The following ZNF831 variants were observed in gnomAD, a reference collection of about 807,000 sequenced individuals.
The protein encoded by ZNF831 is chromosome 20 open reading frame 174.
ZNF831 carries 59 observed loss-of-function variants against 95.8 expected under a neutral mutation model. The ratio of observed to expected loss-of-function variants is 0.62; its 90% confidence interval spans 0.50 to 0.77. The LOEUF is 0.77. Among genes scored for constraint, ZNF831 ranks in the 30% least tolerant of loss-of-function variants. ZNF831 has a pLI of 0.00. For synonymous variants in ZNF831, 961 were observed against 925.5 expected (o/e 1.04, Z -0.70); for missense variants, 2,205 against 2,164.0 (o/e 1.02, Z -0.38).
At chr20:59,188,375 T>G (rs993863190) in intron 1 of ZNF831, among the ~76,000 whole-genome samples, 2 of 152,242 alleles carry the variant, frequency 1.3e-5, no homozygotes, top group Non-Finnish European at 2.9e-5. Flanking sequence ...AAGTCCTATC[T>G]CATTGTGGTT....
At chr20:59,250,649 C>G (rs1347041986) in intron 4 of ZNF831, among the ~76,000 whole-genome samples, 1 of 152,068 alleles carries the variant, frequency 6.6e-6, no homozygotes, top group African/African-American at 2.4e-5. Flanking sequence ...ACAACGACAA[C>G]AACAACAACC....
intron 3 of ZNF831, among the ~76,000 whole-genome samples, chr20:59,199,382 A>C (rs959770757): frequency 1.3e-5 from 2 of 152,176 alleles, no homozygotes; most frequent in Admixed American, 6.5e-5. Context: ...ATTTGGCACA[A>C]ATCATATCAA....
intron 2 of ZNF831, among the ~76,000 whole-genome samples, chr20:59,195,515 C>T (rs1984025279): frequency 6.6e-6 from 1 of 152,154 alleles, no homozygotes; most frequent in South Asian, 2.1e-4. Context: ...CTGTTTTCAT[C>T]TTGAGAGTAG....
At chr20:59,206,799 A>G (rs1858632502) in intron 3 of ZNF831, 106 bp from the exon 4 acceptor site, 1 of 1,254,942 alleles carries the variant, frequency 8.0e-7, no homozygotes, top group Non-Finnish European at 1.1e-6. Flanking sequence ...AGCTAGTTAG[A>G]GGTTGAGCCC....
rs746279070 is a variant in ZNF831, at chr20:59,254,018, C to G, written c.4309C>G (p.Pro1437Ala). 8.7e-6 allele frequency: 14 copies of G among 1,614,104 alleles called. No individual in the cohort carries two copies. Among genetic ancestry groups the G allele is most frequent in the Middle Eastern group, 1.7e-4 (1 of 6,060 alleles). ...AGTGGTTAATGACGTGCCTCTACCC[C>G]CTGGCAAAGGTCTTGACCTTGGGTT... Reference protein sequence around the residue: ...LAVVNDVPLPPGKGLDLGLLE... With the variant: ...LAVVNDVPLPAGKGLDLGLLE... The change falls in exon 6 of 6, where the codon CCT (proline) becomes GCT (alanine). Residue 1437 changes from proline to alanine, a missense_variant. Transcript: ENST00000371030. The surrounding 1 kb of genome is among the most constrained non-coding windows in gnomAD (Gnocchi z 4.5).
rs113736971 is a variant in ZNF831, at chr20:59,221,227, C to G, written c.4027+14171C>G. ...GAGGGAGGCAGTGAATGGTGCAGGT[C>G]CATACTTTCCCCAGCAGGGAGCTCG... On this transcript the variant is annotated intron_variant, in intron 4 of 5. Coordinates refer to ENST00000371030, the MANE Select transcript of ZNF831 (RefSeq NM_178457.3). Among the ~76,000 whole-genome samples, 241 of 152,274 alleles carry G rather than the reference C, an allele frequency of 1.6e-3. 2 individuals carry two copies. Among genetic ancestry groups the G allele is most frequent in the African/African-American group, 5.5e-3 (229 of 41,538 alleles).
chr20:59,193,226 G>T lies in ZNF831; in HGVS notation c.2207G>T (p.Gly736Val), dbSNP rs918919056. The T allele has an allele frequency of 6.3e-7, 1 of 1,595,092 alleles. No homozygotes were observed. Among genetic ancestry groups the T allele is most frequent in the East Asian group, 2.3e-5 (1 of 43,630 alleles). Residue 736 changes from glycine (G) to valine (V), a missense_variant, in exon 2 of 6, where the codon GGC (glycine) becomes GTC (valine). Physicochemically the swap from Gly to Val is moderately radical, Grantham distance 109 (BLOSUM62 -3). Transcript: ENST00000371030. ...GCTGTGTCATCCCCTGCACTGGGTG[G>T]CAGAGACAGTCCCTGTTCAGGCAGT... ...EEAVSSPALG[G>V]RDSPCSGSRS...
At chr20:59,125,313 T>C (rs1979137915) in intron 1 of ZNF831, among the ~76,000 whole-genome samples, 1 of 152,202 alleles carries the variant, frequency 6.6e-6, no homozygotes, top group Admixed American at 6.5e-5. Flanking sequence ...AAAGTCCTTA[T>C]TGTTTCAACA....
intron 1 of ZNF831, among the ~76,000 whole-genome samples, chr20:59,179,786 G>A (rs1309451965): frequency 6.6e-6 from 1 of 152,114 alleles, no homozygotes; most frequent in Non-Finnish European, 1.5e-5. Flanking sequence ...TTAACTTAAT[G>A]ATATCTGCAA....
chr20:59,241,323 A>C (rs937864202), intron 4 of ZNF831, among the ~76,000 whole-genome samples: 1 of 151,494 alleles, frequency 6.6e-6, no homozygotes, highest in African/African-American at 2.4e-5. Context: ...TTTTTTTTTA[A>C]TCAGAACCCA....
At chr20:59,167,886 A>T (rs1254905025) in intron 1 of ZNF831, among the ~76,000 whole-genome samples, 2 of 152,102 alleles carry the variant, frequency 1.3e-5, no homozygotes, top group African/African-American at 2.4e-5. Flanking sequence ...AAGAAAAAAA[A>T]ATCAGTTGGG....
rs754958305 is a variant in ZNF831, at chr20:59,192,810, C to G, written c.1791C>G (p.Ala597=). 14 of 1,611,236 alleles carry G rather than the reference C, an allele frequency of 8.7e-6. No individual in the cohort carries two copies. The Admixed American group carries it at 2.3e-4, about 27-fold the overall frequency. Residue 597 remains alanine (A), a synonymous_variant, in exon 2 of 6, where the codon GCC becomes GCG. Transcript: ENST00000371030. The surrounding 1 kb of genome is among the most constrained non-coding windows in gnomAD (Gnocchi z 5.2). Reference sequence around the variant, plus strand: ...GAACTGCTGCGCGGGAGGCCATGGCCGGCAAGGGCAGAGCGGGCGGCAGGA... The same window carrying G: ...GAACTGCTGCGCGGGAGGCCATGGCGGGCAAGGGCAGAGCGGGCGGCAGGA... The part of the protein sequence containing the change: ...AKRTAAREAM[A]GKGRAGGRKC...
In ZNF831 at chr20:59,253,000, A is replaced by G. The variant is rs753747209; in HGVS notation, c.4050A>G (p.Pro1350=). The G allele has an allele frequency of 5.8e-5, 93 of 1,613,882 alleles. No homozygotes were observed. Among genetic ancestry groups the G allele is most frequent in the Non-Finnish European group, 7.7e-5 (91 of 1,179,912 alleles). The change falls in exon 5 of 6, where the codon CCA becomes CCG. Residue 1350 remains proline, a synonymous_variant. Transcript: ENST00000371030. The part of the protein sequence containing the change: ...EIAGLNLQEE[P]SCATSESPPC... Reference sequence around the variant, plus strand: ...CAGGTCTGAATCTGCAAGAGGAGCCATCTTGTGCCACCTCAGAATCACCTC... The same window carrying G: ...CAGGTCTGAATCTGCAAGAGGAGCCGTCTTGTGCCACCTCAGAATCACCTC...
chr20:59,164,443 C>T (rs906177547), intron 1 of ZNF831, among the ~76,000 whole-genome samples: 26 of 152,158 alleles, frequency 1.7e-4, no homozygotes, highest in South Asian at 4.1e-4. Flanking sequence ...GGTCCACAAT[C>T]CATGTTCTAC....
intron 4 of ZNF831, among the ~76,000 whole-genome samples, chr20:59,220,656 C>CTTTCTAGAG (rs1268708210): frequency 3.3e-4 from 51 of 152,320 alleles, no homozygotes; most frequent in African/African-American, 1.2e-3. Context: ...GGTTAGGTCT[C>CTTTCTAGAG]AACATCTAGC....
chr20:59,152,665 C>A (rs372516216), intron 2 of ZNF831, among the ~76,000 whole-genome samples: 1 of 152,002 alleles, frequency 6.6e-6, no homozygotes. Flanking sequence ...AGCAGGTGCC[C>A]GAGGCTTCCC....
intron 1 of ZNF831, among the ~76,000 whole-genome samples, chr20:59,142,361 T>C (rs996849398): frequency 2.0e-5 from 3 of 152,196 alleles, no homozygotes; most frequent in African/African-American, 7.2e-5. Flanking sequence ...GATGGGAAAC[T>C]AGCCAATGGG....
chr20:59,129,970 T>A (rs1979298713), intron 1 of ZNF831, among the ~76,000 whole-genome samples: 2 of 152,192 alleles, frequency 1.3e-5, no homozygotes. Context: ...TCAGACCATA[T>A]GCAGACTTCA....
In ZNF831 at chr20:59,191,510, G is replaced by T. The variant is rs1243546097; in HGVS notation, c.491G>T (p.Arg164Leu). 6.2e-7 allele frequency: 1 copy of T among 1,613,130 alleles called. No individual in the cohort carries two copies. The highest frequency in any genetic ancestry group is 1.1e-5 in the South Asian group (1 of 91,088). Residue 164 changes from arginine (R) to leucine (L), a missense_variant, in exon 2 of 6, where the codon CGG (arginine) becomes CTG (leucine). By Grantham distance (102) the Arg-to-Leu change is moderately radical. Coordinates refer to ENST00000371030, the MANE Select transcript of ZNF831 (RefSeq NM_178457.3). ...LKPSVLEKHI[R>L]SHTGERPFPC... ...CCCAGTGTTCTAGAGAAGCACATCC[G>T]GTCCCACACGGGTGAGAGGCCCTTC...
Sources: gnomAD v4.1 joint callset for allele counts (sites outside exome capture counted in the v4.1 genomes callset) on GRCh38, gnomAD v4.1.1 for gene constraint, Gnocchi (gnomAD v3.1) non-coding constraint, MANE v1.5 for transcripts, NCBI Gene and HGNC (gene_info 2026-07-23, HGNC 2026-07-21) for gene names.